Variants in BAD observed in about 807,000 individuals in gnomAD.
BAD encodes the protein bcl2-associated agonist of cell death.
Under a neutral mutation model 17.8 loss-of-function variants are expected in BAD, and 18 were observed. That is an observed-to-expected ratio of 1.01 (90% confidence interval 0.70 to 1.50). The LOEUF is 1.50. BAD is among the 40% of genes most tolerant of loss of function. The pLI, the probability that BAD is intolerant of heterozygous loss-of-function variation, is 0.00. For missense variants in BAD, 294 were observed against 239.3 expected (o/e 1.23, Z -1.51); for synonymous variants, 112 against 91.5 (o/e 1.22, Z -1.28).
intron 2 of BAD, 48 bp downstream of exon 2, chr11:64,284,134 G>C: frequency 6.6e-7 from 1 of 1,519,234 alleles, no homozygotes; most frequent in Non-Finnish European, 8.8e-7. Flanking sequence ...GGGAGCCAGT[G>C]GGCTGGGGGT....
intron 2 of BAD, chr11:64,276,675 G>T (rs2033090157): frequency 3.8e-6 from 2 of 527,652 alleles, no homozygotes; most frequent in Non-Finnish European, 6.7e-6. Flanking sequence ...AAAACCCTGG[G>T]GGAGTGTCTG....
chr11:64,281,264 C>A (rs2033453031), intron 2 of BAD, among the ~76,000 whole-genome samples: 1 of 152,222 alleles, frequency 6.6e-6, no homozygotes, highest in Non-Finnish European at 1.5e-5. Context: ...CCGCGCCCAG[C>A]CTAATAGTTT....
chr11:64,269,860 T>C lies in BAD; in HGVS notation c.*349A>G, dbSNP rs1268130004. ...CACAGACGCGGGCTTTATTAACATT[T>C]GGTAGTGAGCACGGCCCCCAGGGCA... On this transcript the variant is annotated 3_prime_UTR_variant, in exon 4 of 4. Transcript: ENST00000309032. The C allele has an allele frequency of 5.7e-6, 4 of 697,676 alleles. No individual in the cohort carries two copies. Among genetic ancestry groups the C allele is most frequent in the Non-Finnish European group, 1.0e-5 (4 of 383,754 alleles). 43.2% of individuals were successfully genotyped at this position (697,676 alleles called of 1,614,324 possible).
intron 2 of BAD, chr11:64,272,015 A>C (rs1308952982): frequency 2.2e-5 from 9 of 407,238 alleles, no homozygotes; most frequent in South Asian, 2.4e-4. Flanking sequence ...CTTCTCATTA[A>C]TCCCACGAAT....
At chr11:64,278,534 G>A (rs2033218724) in intron 2 of BAD, among the ~76,000 whole-genome samples, 1 of 152,068 alleles carries the variant, frequency 6.6e-6, no homozygotes. Flanking sequence ...ACAGCCCTGC[G>A]AGGTGGGACT....
chr11:64,275,208 T>G, intron 2 of BAD, among the ~76,000 whole-genome samples: 1 of 150,074 alleles, frequency 6.7e-6, no homozygotes, highest in East Asian at 2.0e-4. Flanking sequence ...AGATTACAGA[T>G]GACAGCCAGG....
At chr11:64,279,916 G>A (rs1362656409) in intron 2 of BAD, among the ~76,000 whole-genome samples, 1 of 152,024 alleles carries the variant, frequency 6.6e-6, no homozygotes, top group African/African-American at 2.4e-5. Flanking sequence ...GGGCACTGTG[G>A]CTCATGCCTG....
At chr11:64,281,838 A>T (rs889723419) in intron 2 of BAD, among the ~76,000 whole-genome samples, 10 of 152,172 alleles carry the variant, frequency 6.6e-5, no homozygotes, top group Non-Finnish European at 1.5e-4. Context: ...CTCCTGCCTC[A>T]GCCTCCCGAG....
intron 2 of BAD, among the ~76,000 whole-genome samples, chr11:64,273,150 C>T (rs2032767557): frequency 6.6e-6 from 1 of 151,664 alleles, no homozygotes; most frequent in South Asian, 2.1e-4. Flanking sequence ...AGGTGGATCA[C>T]CTGAGGTCAG....
At chr11:64,284,529 T>C (rs921391590) in intron 1 of BAD, 102 bp downstream of exon 1, 3 of 1,527,410 alleles carry the variant, frequency 2.0e-6, no homozygotes, top group East Asian at 2.4e-5. Flanking sequence ...GGGTCTGGCC[T>C]GGCAGGGAGC....
intron 2 of BAD, among the ~76,000 whole-genome samples, chr11:64,281,584 C>A (rs767849109): frequency 3.3e-5 from 5 of 152,220 alleles, no homozygotes; most frequent in Admixed American, 3.3e-4. Flanking sequence ...GCCCTCGAGG[C>A]CTTACCATCT....
intron 2 of BAD, among the ~76,000 whole-genome samples, chr11:64,272,258 G>A (rs947793631): frequency 4.0e-5 from 6 of 151,764 alleles, no homozygotes; most frequent in Non-Finnish European, 1.5e-5. Context: ...GGGAGAGGTC[G>A]CAGTGAGCCG....
In BAD at chr11:64,284,619, C is replaced by A; in HGVS notation, c.-9+12G>T. ...CCCCGCCCCGCCCGTGGTGACGGCGCACAGGTCTCACCCCAAGCCCGATCT... is the reference window on the plus strand; with the variant it reads ...CCCCGCCCCGCCCGTGGTGACGGCGAACAGGTCTCACCCCAAGCCCGATCT... On this transcript the variant is annotated intron_variant, in intron 1 of 3. Coordinates refer to ENST00000309032, the MANE Select transcript of BAD (RefSeq NM_032989.3). The A allele has an allele frequency of 1.3e-6, 2 of 1,513,008 alleles. No individual in the cohort carries two copies. The highest frequency in any genetic ancestry group is 1.8e-6 in the Non-Finnish European group (2 of 1,134,936). The allele number at this position is 1,513,008 out of a possible 1,614,324, so 93.7% of individuals were successfully genotyped here.
chr11:64,271,847 C>T (rs2032651007), intron 2 of BAD, 44 bp from the exon 3 acceptor site: 4 of 1,327,006 alleles, frequency 3.0e-6, no homozygotes, highest in East Asian at 3.0e-5. Flanking sequence ...AATCTCAGCT[C>T]CTCTAAGCCC....
At position 64,270,401 on chromosome 11, in the gene BAD, A is replaced by T. The variant is rs1591124502; in HGVS notation, c.379-64T>A. 34 of 1,484,936 alleles carry T rather than the reference A, an allele frequency of 2.3e-5. No homozygotes were observed. The East Asian group carries it at 7.8e-4, about 34-fold the overall frequency. The allele number at this position is 1,484,936 out of a possible 1,614,324, so 92.0% of individuals were successfully genotyped here. A position where few individuals can be genotyped will look rare whatever the true frequency, so the allele number is the denominator to read the frequency against. On this transcript the variant is annotated intron_variant, in intron 3 of 3. Coordinates refer to ENST00000309032, the MANE Select transcript of BAD (RefSeq NM_032989.3). The stretch of plus-strand genomic sequence containing the variant: ...CATGGCAGCTCGAGCCAGGCTCTCC[A>T]CTTCCGTGAGCCTTCCTCTAAGTGA...
At position 64,284,141 on chromosome 11, in the gene BAD, G is replaced by A. The variant is rs755881643; in HGVS notation, c.187+41C>T. The A allele has an allele frequency of 3.0e-5, 46 of 1,531,166 alleles. No homozygotes were observed. The Admixed American group carries it at 8.6e-4, about 29-fold the overall frequency. The allele number at this position is 1,531,166 out of a possible 1,614,324, so 94.8% of individuals were successfully genotyped here. A position where few individuals can be genotyped will look rare whatever the true frequency, so the allele number is the denominator to read the frequency against. On this transcript the variant is annotated intron_variant, in intron 2 of 3. Transcript: ENST00000309032. ...GGGATGCAGGGAGCCAGTGGGCTGG[G>A]GGTGAGGTGTCCCGGCAGGTGGAGG... is the stretch of plus-strand genomic sequence containing the variant.
intron 2 of BAD, chr11:64,272,651 C>T (rs2032725990): frequency 6.6e-6 from 1 of 152,254 alleles, no homozygotes; most frequent in Admixed American, 6.5e-5. Flanking sequence ...ATCCTCCTAA[C>T]CACCCTGGGA....
intron 2 of BAD, among the ~76,000 whole-genome samples, chr11:64,281,494 A>C (rs1345058875): frequency 6.6e-6 from 1 of 152,186 alleles, no homozygotes; most frequent in Non-Finnish European, 1.5e-5. Flanking sequence ...GAGTCCTTAG[A>C]ATGACCTTCA....
intron 3 of BAD, chr11:64,270,670 C>T: frequency 1.8e-6 from 1 of 568,776 alleles, no homozygotes; most frequent in Non-Finnish European, 3.3e-6. Context: ...TGGTGAGCGC[C>T]TGTAATCCCA....
Sources: allele counts gnomAD v4.1 joint callset (sites outside exome capture counted in the v4.1 genomes callset), GRCh38; gene constraint gnomAD v4.1.1; transcripts MANE v1.5; gene names NCBI Gene and HGNC (gene_info 2026-07-23, HGNC 2026-07-21).